Variants in TMTC1 observed in about 807,000 individuals in gnomAD.
TMTC1 encodes the protein transmembrane O-mannosyltransferase targeting cadherins 1.
A neutral mutation model predicts 104.8 loss-of-function variants in TMTC1; 73 were observed. That is an observed-to-expected ratio of 0.70 (90% CI 0.58 to 0.85). TMTC1 has a LOEUF of 0.85. Ranked by LOEUF, TMTC1 falls within the 40% of genes least tolerant of loss-of-function variation. The pLI is 0.00. For synonymous variants in TMTC1, 434 were observed against 428.7 expected (o/e 1.01, Z -0.15); for missense variants, 1,035 against 1,096.1 (o/e 0.94, Z 0.79).
At chr12:29,740,828 G>C (rs1375042218) in intron 5 of TMTC1, among the ~76,000 whole-genome samples, 1 of 152,054 alleles carries the variant, frequency 6.6e-6, no homozygotes, top group Non-Finnish European at 1.5e-5. Flanking sequence ...TTTTAAAAGC[G>C]ACAGAGATAC....
intron 6 of TMTC1, among the ~76,000 whole-genome samples, chr12:29,629,910 T>C (rs1938209550): frequency 6.6e-6 from 1 of 152,240 alleles, no homozygotes; most frequent in Non-Finnish European, 1.5e-5. Context: ...GTTTTGTGTT[T>C]AAATTTCAGT....
intron 5 of TMTC1, among the ~76,000 whole-genome samples, chr12:29,716,745 G>A (rs941045339): frequency 7.2e-5 from 11 of 152,214 alleles, no homozygotes; most frequent in African/African-American, 2.2e-4. Context: ...GCCGGGCACA[G>A]GGGCTCACGC....
At chr12:29,699,732 A>G (rs570045568) in intron 5 of TMTC1, among the ~76,000 whole-genome samples, 181 of 138,972 alleles carry the variant, frequency 1.3e-3, no homozygotes, top group African/African-American at 4.6e-3. Flanking sequence ...AGCTTGCTGC[A>G]GCATCGACCT....
At chr12:29,562,663 G>C (rs1945406362) in intron 9 of TMTC1, among the ~76,000 whole-genome samples, 1 of 152,146 alleles carries the variant, frequency 6.6e-6, no homozygotes, top group Non-Finnish European at 1.5e-5. Flanking sequence ...CCAGCTATGT[G>C]AGTTTGAATT....
intron 7 of TMTC1, among the ~76,000 whole-genome samples, 178 bp downstream of exon 7, chr12:29,604,000 A>G (rs1411076191): frequency 6.6e-6 from 1 of 152,244 alleles, no homozygotes; most frequent in Non-Finnish European, 1.5e-5. Context: ...ACAAGAGTAC[A>G]TGTGTGGACA....
chr12:29,646,150 C>T (rs1004113685), intron 5 of TMTC1, among the ~76,000 whole-genome samples: 5 of 152,100 alleles, frequency 3.3e-5, no homozygotes, highest in Non-Finnish European at 5.9e-5. Context: ...GAGAAGCACC[C>T]GCCTGAGACC....
intron 1 of TMTC1, among the ~76,000 whole-genome samples, chr12:29,768,785 G>C (rs1156993449): frequency 6.6e-6 from 1 of 152,160 alleles, no homozygotes; most frequent in Non-Finnish European, 1.5e-5. Context: ...GCAATTAAAA[G>C]AGAACCACAA....
chr12:29,501,600 G>C lies in TMTC1; in HGVS notation c.*5246C>G, dbSNP rs974402935. 2.0e-5 allele frequency: 3 copies of C among 152,024 alleles called. No individual in the cohort carries two copies. The highest frequency in any genetic ancestry group is 4.4e-5 in the Non-Finnish European group (3 of 68,016). The allele number at this position is 152,024 out of a possible 1,614,324, so 9.4% of individuals were successfully genotyped here. On this transcript the variant is annotated 3_prime_UTR_variant, in exon 18 of 18. Transcript: ENST00000539277. ...ACCCCCAAAGGACATCACACATACT[G>C]AAAACTACCAAATTTGTTACATATA...
At chr12:29,611,550 T>C (rs1271290045) in intron 6 of TMTC1, among the ~76,000 whole-genome samples, 1 of 152,048 alleles carries the variant, frequency 6.6e-6, no homozygotes, top group Non-Finnish European at 1.5e-5. Context: ...ATTAGAAAAA[T>C]GTTGGTGAAT....
intron 5 of TMTC1, among the ~76,000 whole-genome samples, chr12:29,732,425 T>C (rs1056553321): frequency 4.6e-5 from 7 of 152,152 alleles, no homozygotes; most frequent in African/African-American, 1.7e-4. Flanking sequence ...TATTGGGAGA[T>C]GAGGATAATC....
chr12:29,678,294 T>A (rs1325932438), intron 5 of TMTC1, among the ~76,000 whole-genome samples: 1 of 152,206 alleles, frequency 6.6e-6, no homozygotes, highest in Admixed American at 6.6e-5. Context: ...TCTCCAGATA[T>A]TACTTCTTCT....
intron 5 of TMTC1, among the ~76,000 whole-genome samples, chr12:29,686,466 T>G (rs1164857058): frequency 6.6e-6 from 1 of 152,206 alleles, no homozygotes; most frequent in Non-Finnish European, 1.5e-5. Flanking sequence ...TATTATTTGC[T>G]CATTTCTGTG....
chr12:29,575,544 C>G (rs1325176639), intron 8 of TMTC1, among the ~76,000 whole-genome samples: 1 of 151,222 alleles, frequency 6.6e-6, no homozygotes, highest in African/African-American at 2.4e-5. Flanking sequence ...CAAAGACTGC[C>G]CCACTAAAAT....
intron 4 of TMTC1, among the ~76,000 whole-genome samples, chr12:29,755,421 A>G (rs1943190827): frequency 6.6e-6 from 1 of 152,216 alleles, no homozygotes; most frequent in Non-Finnish European, 1.5e-5. Flanking sequence ...ATGCAACCAA[A>G]ACAAACCAGC....
rs1276334942 is a variant in TMTC1, at chr12:29,579,201, T to G, written c.1418+4206A>C. Among the ~76,000 whole-genome samples the G allele has an allele frequency of 2.0e-5, 3 of 152,146 alleles. No individual in the cohort carries two copies. The East Asian group carries it at 5.8e-4, about 29-fold the overall frequency. On this transcript the variant is annotated intron_variant, in intron 8 of 17. Coordinates refer to ENST00000539277, the MANE Select transcript of TMTC1 (RefSeq NM_001193451.2). ...TCAGTACCATAAGACCAAAGTAACATTAGAATTTCACTATCACAATGTATA... is the reference window on the plus strand; with the variant it reads ...TCAGTACCATAAGACCAAAGTAACAGTAGAATTTCACTATCACAATGTATA...
chr12:29,780,782 G>A (rs908916139), intron 1 of TMTC1, among the ~76,000 whole-genome samples: 1 of 152,128 alleles, frequency 6.6e-6, no homozygotes, highest in African/African-American at 2.4e-5. Context: ...TGGGGGAAAT[G>A]GATAGAGTAG....
chr12:29,621,708 C>G (rs1937679943), intron 6 of TMTC1, among the ~76,000 whole-genome samples: 1 of 152,126 alleles, frequency 6.6e-6, no homozygotes, highest in Non-Finnish European at 1.5e-5. Flanking sequence ...CTGACATTCT[C>G]TGTTTATCAG....
intron 10 of TMTC1, among the ~76,000 whole-genome samples, chr12:29,540,783 AGAG>A (rs1413932025): frequency 1.3e-5 from 2 of 152,016 alleles, no homozygotes; most frequent in Non-Finnish European, 2.9e-5. Context: ...TCATGAGGTC[AGAG>A]GAGTTCGAGA....
Position 29,716,156 on chromosome 12 carries a change from GCACAGGTGCATAC to G in TMTC1, c.938+35497_938+35509del, listed in dbSNP as rs1212325703. On this transcript the variant is annotated intron_variant, in intron 5 of 17. Transcript: ENST00000539277. ...GCCTTAGCCTCCCCAGTAGCTAAGA[GCACAGGTGCATAC>G]CACTACAACTGGCTAATTTTTAAAG... 5.9e-5 allele frequency among the ~76,000 whole-genome samples: 9 copies of G among 152,126 alleles called. No homozygotes were observed. In the East Asian group the frequency reaches 1.7e-3, roughly 29 times the overall value.
Sources: gnomAD v4.1 joint callset for allele counts (sites outside exome capture counted in the v4.1 genomes callset) on GRCh38, gnomAD v4.1.1 for gene constraint, MANE v1.5 for transcripts, NCBI Gene and HGNC (gene_info 2026-07-23, HGNC 2026-07-21) for gene names.